Variants in HMMR observed in about 807,000 individuals in gnomAD.
HMMR encodes the protein intracellular hyaluronic acid-binding protein.
HMMR carries 108 observed loss-of-function variants against 101.0 expected under a neutral mutation model. That is an observed-to-expected ratio of 1.07 (90% CI 0.92 to 1.25). The LOEUF (loss-of-function observed/expected upper bound fraction) is 1.25, where lower values mean the gene tolerates loss of function less well. Among genes scored for constraint, HMMR ranks in the 50% most tolerant of loss-of-function variants. The probability of loss-of-function intolerance (pLI) is 0.00; values close to 1 mark genes in which losing one functional copy is unlikely to be tolerated. For missense variants in HMMR, 813 were observed against 788.7 expected, an observed-to-expected ratio of 1.03 and a Z score of -0.37; for synonymous variants, 296 against 276.4, an observed-to-expected ratio of 1.07 and a Z score of -0.70.
At chr5:163,482,849 A>G in intron 13 of HMMR, 61 bp downstream of exon 13, 1 of 1,489,930 alleles carries the variant, frequency 6.7e-7, no homozygotes. Flanking sequence ...AAAGCCAGCT[A>G]GTAACTGTCC....
At position 163,471,160 on chromosome 5, in the gene HMMR, T is replaced by C. The variant is rs747435018; in HGVS notation, c.463-25T>C. On this transcript the variant is annotated intron_variant, in intron 5 of 17. Transcript: ENST00000393915. ...TGTCTTAGCAGAAAATATTTCTGAATTTTTTACGTGTTTGTTGTATTTAGT... is the reference window on the plus strand; with the variant it reads ...TGTCTTAGCAGAAAATATTTCTGAACTTTTTACGTGTTTGTTGTATTTAGT... 25 of 1,410,488 alleles carry C rather than the reference T, an allele frequency of 1.8e-5. No homozygotes were observed. In the South Asian group the frequency reaches 2.9e-4, roughly 17 times the overall value. 87.4% of individuals were successfully genotyped at this position (1,410,488 alleles called of 1,614,324 possible).
In HMMR at chr5:163,473,533, T is replaced by C. The variant is rs765832065; in HGVS notation, c.880T>C (p.Cys294Arg). ...SKQVEDLNVK[C>R]QLLEKEKEDH... ...ACAAGTAGAAGATCTAAATGTGAAA[T>C]GTCAGCTGCTTGAAAAAGAAAAAGG... The change falls in exon 9 of 18, where the codon TGT becomes CGT. Residue 294 changes from cysteine (C) to arginine (R), a missense_variant. Physicochemically the swap from Cys to Arg is radical, Grantham distance 180. Transcript: ENST00000393915. 46 of 1,575,518 alleles carry C rather than the reference T, an allele frequency of 2.9e-5. No individual in the cohort carries two copies. Among genetic ancestry groups the C allele is most frequent in the South Asian group, 9.3e-5 (8 of 86,484 alleles).
At chr5:163,464,294 G>T (rs374878933) in intron 2 of HMMR, among the ~76,000 whole-genome samples, 2 of 152,224 alleles carry the variant, frequency 1.3e-5, no homozygotes, top group African/African-American at 2.4e-5. Flanking sequence ...ACTAAGGAAA[G>T]AATATATTGT....
At chr5:163,475,354 T>C (rs903173591) in intron 10 of HMMR, 104 bp from the exon 11 acceptor site, 2 of 583,596 alleles carry the variant, frequency 3.4e-6, no homozygotes, top group Non-Finnish European at 6.0e-6. Context: ...TTGAATCTGT[T>C]GAATTTAGGT....
chr5:163,470,237 C>T (rs1251273615), intron 5 of HMMR, among the ~76,000 whole-genome samples: 2 of 152,256 alleles, frequency 1.3e-5, no homozygotes, highest in African/African-American at 4.8e-5. Context: ...AAACATGTTT[C>T]AAGAAATCCT....
At position 163,484,174 on chromosome 5, in the gene HMMR, G is replaced by A; in HGVS notation, c.1891G>A (p.Gly631Ser). The change falls in exon 16 of 18, where the codon GGT (glycine) becomes AGT (serine). Residue 631 changes from glycine to serine, a missense_variant. Gly to Ser is a moderately conservative substitution (Grantham distance 56). Coordinates refer to ENST00000393915, the MANE Select transcript of HMMR (RefSeq NM_001142556.2). Reference protein sequence around the residue: ...KIRDSYAKLLGHQNLKQKIKH... With the variant: ...KIRDSYAKLLSHQNLKQKIKH... Reference sequence around the variant, plus strand: ...AAGAGATTCATATGCTAAATTATTGGGTCATCAGAATTTGAAACAAAAAAT... The same window carrying A: ...AAGAGATTCATATGCTAAATTATTGAGTCATCAGAATTTGAAACAAAAAAT... 6.2e-7 allele frequency: 1 copy of A among 1,603,930 alleles called. No homozygotes were observed. The highest frequency in any genetic ancestry group is 8.5e-7 in the Non-Finnish European group (1 of 1,173,342).
chr5:163,463,030 T>TAA (rs1758589187), intron 1 of HMMR, among the ~76,000 whole-genome samples: 1 of 152,170 alleles, frequency 6.6e-6, no homozygotes, highest in African/African-American at 2.4e-5. Flanking sequence ...TTTAGGCTAG[T>TAA]AGTATTTTAA....
chr5:163,473,532 A>G lies in HMMR; in HGVS notation c.879A>G (p.Lys293=). The part of the protein sequence containing the change: ...LSKQVEDLNV[K]CQLLEKEKED... ...AACAAGTAGAAGATCTAAATGTGAA[A>G]TGTCAGCTGCTTGAAAAAGAAAAAG... The change falls in exon 9 of 18, where the codon AAA becomes AAG. Residue 293 remains lysine, a synonymous_variant. Coordinates refer to ENST00000393915, the MANE Select transcript of HMMR (RefSeq NM_001142556.2). 1.3e-6 allele frequency: 2 copies of G among 1,577,318 alleles called. No homozygotes were observed. Among genetic ancestry groups the G allele is most frequent in the Non-Finnish European group, 1.7e-6 (2 of 1,159,886 alleles).
intron 1 of HMMR, among the ~76,000 whole-genome samples, chr5:163,462,829 A>C (rs78991218): frequency 1.2e-3 from 1 of 862 alleles, no homozygotes; most frequent in Non-Finnish European, 3.4e-3. Flanking sequence ...CTCCGTCTCA[A>C]AAAAAAAAAA....
In HMMR at chr5:163,483,323, C is replaced by A. The variant is rs140371330; in HGVS notation, c.1741C>A (p.Arg581Ser). The change falls in exon 15 of 18, where the codon CGT (arginine) becomes AGT (serine). Residue 581 changes from arginine (R) to serine (S), a missense_variant. Physicochemically the swap from Arg to Ser is moderately radical, Grantham distance 110. Coordinates refer to ENST00000393915, the MANE Select transcript of HMMR (RefSeq NM_001142556.2). Reference sequence around the variant, plus strand: ...ATTAACTGAAGAAATTAACAAGTGGCGTCTCCTCTATGAAGAACTATATAA... The same window carrying A: ...ATTAACTGAAGAAATTAACAAGTGGAGTCTCCTCTATGAAGAACTATATAA... ...AELTEEINKW[R>S]LLYEELYNKT... is the part of the protein sequence containing the mutation. The A allele has an allele frequency of 3.1e-6, 5 of 1,608,438 alleles. No homozygotes were observed. Among genetic ancestry groups the A allele is most frequent in the Non-Finnish European group, 3.4e-6 (4 of 1,175,196 alleles).
intron 15 of HMMR, 70 bp downstream of exon 15, chr5:163,483,437 G>T: frequency 1.3e-6 from 1 of 789,250 alleles, no homozygotes; most frequent in Non-Finnish European, 2.1e-6. Context: ...TTATAGTGAG[G>T]ACAGTGACTC....
intron 16 of HMMR, among the ~76,000 whole-genome samples, chr5:163,487,288 A>G (rs1759511964): frequency 6.6e-6 from 1 of 152,014 alleles, no homozygotes; most frequent in Non-Finnish European, 1.5e-5. Context: ...GATAAATCTC[A>G]CTTGGTTATG....
intron 16 of HMMR, 22 bp from the exon 17 acceptor site, chr5:163,490,367 AC>A (rs1759647876): frequency 6.9e-7 from 1 of 1,455,712 alleles, no homozygotes; most frequent in Non-Finnish European, 9.4e-7. Context: ...ATTGTTTATT[AC>A]CTATTATTTC....
chr5:163,469,850 T>C (rs299283), intron 5 of HMMR, 21 bp downstream of exon 5: 477,202 of 1,482,654 alleles, frequency 0.32, 81,992 homozygotes, highest in African/African-American at 0.57. Context: ...CTCATGATAA[T>C]ATTTACAATT....
At chr5:163,487,723 CTTT>C (rs564620480) in intron 16 of HMMR, among the ~76,000 whole-genome samples, 7 of 149,876 alleles carry the variant, frequency 4.7e-5, no homozygotes, top group Admixed American at 2.0e-4. Flanking sequence ...CCTTTATAAT[CTTT>C]TTTTTATTTC....
At chr5:163,482,502 T>A in intron 12 of HMMR, 140 bp from the exon 13 acceptor site, 1 of 624,108 alleles carries the variant, frequency 1.6e-6, no homozygotes. Context: ...GAACACTGAA[T>A]TCTTACCTGT....
intron 9 of HMMR, among the ~76,000 whole-genome samples, 186 bp from the exon 10 acceptor site, chr5:163,473,871 T>A (rs1019899385): frequency 6.6e-6 from 1 of 152,048 alleles, no homozygotes; most frequent in Non-Finnish European, 1.5e-5. Flanking sequence ...GAACAAGATT[T>A]GTGGGTTTTA....
intron 10 of HMMR, 73 bp from the exon 11 acceptor site, chr5:163,475,385 C>T: frequency 1.3e-6 from 1 of 761,860 alleles, no homozygotes; most frequent in South Asian, 2.0e-5. Context: ...TTTATCTGTA[C>T]TTTTTTTTGT....
chr5:163,465,963 CAAAAA>C (rs113595179), intron 3 of HMMR, among the ~76,000 whole-genome samples: 1 of 85,602 alleles, frequency 1.2e-5, no homozygotes, highest in Non-Finnish European at 2.5e-5. Flanking sequence ...TCAGTCTCTC[CAAAAA>C]AAAAAAAAAA....
Sources: gnomAD v4.1 joint callset for allele counts (sites outside exome capture counted in the v4.1 genomes callset) on GRCh38, gnomAD v4.1.1 for gene constraint, MANE v1.5 for transcripts, NCBI Gene and HGNC (gene_info 2026-07-23, HGNC 2026-07-21) for gene names.